FUT9: variants seen among roughly 807,000 people sequenced by gnomAD.
FUT9 encodes the protein 4-galactosyl-N-acetylglucosaminide 3-alpha-L-fucosyltransferase 9.
A neutral mutation model predicts 29.7 loss-of-function variants in FUT9; 15 were observed. The ratio of observed to expected loss-of-function variants is 0.51; its 90% confidence interval spans 0.34 to 0.78. The LOEUF (loss-of-function observed/expected upper bound fraction) is 0.78, where lower values mean the gene tolerates loss of function less well. Among genes scored for constraint, FUT9 ranks in the 30% least tolerant of loss-of-function variants. The pLI is 0.01. For synonymous variants in FUT9, 169 were observed against 153.7 expected (o/e 1.10, Z -0.74); for missense variants, 319 against 425.4 (o/e 0.75, Z 2.20).
intron 2 of FUT9, among the ~76,000 whole-genome samples, chr6:96,193,122 C>T (rs62419492): frequency 0.91 from 133,963 of 146,972 alleles, 62,426 homozygotes; most frequent in Non-Finnish European, 1. Context: ...CTAGACAATA[C>T]CATTCAGGAC....
chr6:96,067,676 T>A (rs1299842674), intron 1 of FUT9, among the ~76,000 whole-genome samples: 3 of 152,160 alleles, frequency 2.0e-5, no homozygotes, highest in Non-Finnish European at 2.9e-5. Flanking sequence ...CTGATGCTTT[T>A]AGCTTTTAGC....
At chr6:96,041,336 T>C (rs924716752) in intron 1 of FUT9, among the ~76,000 whole-genome samples, 2 of 152,162 alleles carry the variant, frequency 1.3e-5, no homozygotes, top group African/African-American at 4.8e-5. Context: ...TCTTCCCTAC[T>C]GTGCTTGGTA....
At chr6:96,138,016 A>G (rs1056230333) in intron 2 of FUT9, among the ~76,000 whole-genome samples, 1 of 152,114 alleles carries the variant, frequency 6.6e-6, no homozygotes, top group Non-Finnish European at 1.5e-5. Flanking sequence ...TAATGTGCTT[A>G]TAACTGCTCA....
chr6:96,137,452 TA>T (rs1171013018), intron 2 of FUT9, among the ~76,000 whole-genome samples: 3 of 152,012 alleles, frequency 2.0e-5, no homozygotes, highest in Non-Finnish European at 4.4e-5. Flanking sequence ...AGTAGAAGCA[TA>T]AATTCCAAGT....
At chr6:96,157,242 T>A (rs796340231) in intron 2 of FUT9, among the ~76,000 whole-genome samples, 3 of 152,280 alleles carry the variant, frequency 2.0e-5, no homozygotes, top group African/African-American at 7.2e-5. Flanking sequence ...ATGAAACGAG[T>A]GTGACAATTC....
intron 1 of FUT9, among the ~76,000 whole-genome samples, chr6:96,052,411 T>G (rs1406771815): frequency 1.3e-5 from 2 of 152,240 alleles, no homozygotes; most frequent in African/African-American, 4.8e-5. Context: ...TATTCTCTGC[T>G]GAGTTCCCTG....
chr6:96,190,813 C>T (rs1773493578), intron 2 of FUT9, among the ~76,000 whole-genome samples: 1 of 152,066 alleles, frequency 6.6e-6, no homozygotes, highest in Non-Finnish European at 1.5e-5. Flanking sequence ...TTCATTTAAT[C>T]TTTTTTCAAG....
At chr6:96,094,803 T>C (rs563367923) in intron 1 of FUT9, among the ~76,000 whole-genome samples, 6 of 152,196 alleles carry the variant, frequency 3.9e-5, no homozygotes, top group South Asian at 4.1e-4. Context: ...TTTTTTCTAA[T>C]GCAAACCTGT....
chr6:96,179,246 C>T (rs967284260), intron 2 of FUT9, among the ~76,000 whole-genome samples: 3 of 151,988 alleles, frequency 2.0e-5, no homozygotes, highest in Non-Finnish European at 4.4e-5. Flanking sequence ...TTTATTTGTT[C>T]AATACATATT....
intron 2 of FUT9, among the ~76,000 whole-genome samples, chr6:96,173,647 A>G (rs1773153006): frequency 6.6e-6 from 1 of 152,100 alleles, no homozygotes; most frequent in Non-Finnish European, 1.5e-5. Context: ...ATCAGATAAA[A>G]TACTCTTACA....
At chr6:96,109,210 A>G (rs1001523870) in intron 1 of FUT9, among the ~76,000 whole-genome samples, 3 of 152,214 alleles carry the variant, frequency 2.0e-5, no homozygotes, top group African/African-American at 7.2e-5. Context: ...GCTTCTATTA[A>G]TGGAATTCAG....
intron 1 of FUT9, among the ~76,000 whole-genome samples, chr6:96,104,061 T>C (rs1369926211): frequency 6.6e-6 from 1 of 152,340 alleles, no homozygotes; most frequent in African/African-American, 2.4e-5. Flanking sequence ...TCAATTTACA[T>C]AAAAGTCAGA....
At chr6:96,031,230 A>G (rs1262380087) in intron 1 of FUT9, among the ~76,000 whole-genome samples, 2 of 151,550 alleles carry the variant, frequency 1.3e-5, no homozygotes. Context: ...TGAACATTTG[A>G]GTGTATGTGT....
chr6:96,170,524 T>C (rs1773092304), intron 2 of FUT9, among the ~76,000 whole-genome samples: 1 of 144,342 alleles, frequency 6.9e-6, no homozygotes, highest in East Asian at 2.1e-4. Flanking sequence ...TTAGAGCTAG[T>C]TAAATCAGAA....
intron 2 of FUT9, among the ~76,000 whole-genome samples, chr6:96,116,871 G>T (rs1771921156): frequency 6.6e-6 from 1 of 151,980 alleles, no homozygotes; most frequent in South Asian, 2.1e-4. Context: ...ACTGTCCGTG[G>T]TGCTGAAAAA....
intron 1 of FUT9, among the ~76,000 whole-genome samples, chr6:96,093,956 G>C (rs1771455204): frequency 6.6e-6 from 1 of 152,042 alleles, no homozygotes; most frequent in Admixed American, 6.6e-5. Flanking sequence ...GGTGCATTGC[G>C]AGCCAAGGAT....
In FUT9 at chr6:96,203,751, A is replaced by C. The variant is rs1341169719; in HGVS notation, c.596A>C (p.Glu199Ala). The change falls in exon 3 of 3, where the codon GAG becomes GCG. Residue 199 changes from glutamate to alanine, a missense_variant. Transcript: ENST00000302103. ...TGGGTTGTGAGTAACTGGAACCCTGAGCATGCCAGAGTCAAGTATTACAAT... is the reference window on the plus strand; with the variant it reads ...TGGGTTGTGAGTAACTGGAACCCTGCGCATGCCAGAGTCAAGTATTACAAT... ...VCWVVSNWNPEHARVKYYNEL... is the reference protein window; with the variant it reads ...VCWVVSNWNPAHARVKYYNEL... 3.7e-6 allele frequency: 6 copies of C among 1,614,082 alleles called. No homozygotes were observed. Among genetic ancestry groups the C allele is most frequent in the Non-Finnish European group, 5.1e-6 (6 of 1,180,028 alleles).
chr6:96,191,432 A>G (rs1773506620), intron 2 of FUT9, among the ~76,000 whole-genome samples: 1 of 152,168 alleles, frequency 6.6e-6, no homozygotes, highest in South Asian at 2.1e-4. Context: ...ACAAACTACA[A>G]TCAGAGAATG....
At chr6:96,035,819 ATATTATATGTATTATATT>A (rs1770348779) in intron 1 of FUT9, among the ~76,000 whole-genome samples, 1 of 133,868 alleles carries the variant, frequency 7.5e-6, no homozygotes, top group Non-Finnish European at 1.6e-5. Flanking sequence ...TACATATAAT[ATATTATATGTATTATATT>A]AATATAATAT....
Sources: gnomAD v4.1 joint callset for allele counts (sites outside exome capture counted in the v4.1 genomes callset) on GRCh38, gnomAD v4.1.1 for gene constraint, MANE v1.5 for transcripts, NCBI Gene and HGNC (gene_info 2026-07-23, HGNC 2026-07-21) for gene names.